The following COLEC12 variants were observed in gnomAD, a reference collection of about 807,000 sequenced individuals.
COLEC12 encodes collectin-12.
A neutral mutation model predicts 71.1 loss-of-function variants in COLEC12; 33 were observed. The ratio of observed to expected loss-of-function variants is 0.46; its 90% CI spans 0.35 to 0.62. The LOEUF (loss-of-function observed/expected upper bound fraction) is 0.62, where lower values mean the gene tolerates loss of function less well. Ranked by LOEUF, COLEC12 falls within the 20% of genes least tolerant of loss-of-function variation. The pLI is 0.00. For missense variants in COLEC12, 765 were observed against 916.1 expected (o/e 0.84, Z 2.13); for synonymous variants, 350 against 353.0 (o/e 0.99, Z 0.10).
intron 1 of COLEC12, among the ~76,000 whole-genome samples, chr18:484,224 T>C (rs939885913): frequency 6.6e-6 from 1 of 152,218 alleles, no homozygotes; most frequent in Non-Finnish European, 1.5e-5. Flanking sequence ...TCCTGAAATT[T>C]CCCTGGGAAC....
rs200608528 is a variant in COLEC12, at chr18:422,620, T to A, written c.58+58087A>T. The stretch of plus-strand genomic sequence containing the variant: ...CCCCAGAGGTAACTACTGTTAATAG[T>A]TTATATTTTTATAGATTATTTTATA... On this transcript the variant is annotated intron_variant, in intron 2 of 9. Coordinates refer to ENST00000400256, the MANE Select transcript of COLEC12 (RefSeq NM_130386.3). Among the ~76,000 whole-genome samples, 9 of 151,932 alleles carry A rather than the reference T, an allele frequency of 5.9e-5. No individual in the cohort carries two copies. In the East Asian group the frequency reaches 1.7e-3, roughly 29 times the overall value.
intron 2 of COLEC12, among the ~76,000 whole-genome samples, chr18:470,527 C>A (rs1025226063): frequency 6.6e-6 from 1 of 151,874 alleles, no homozygotes; most frequent in Non-Finnish European, 1.5e-5. Flanking sequence ...GAGCCACCAC[C>A]CCAGAGGCCA....
intron 3 of COLEC12, among the ~76,000 whole-genome samples, chr18:350,909 G>A (rs12458581): frequency 0.14 from 20,136 of 147,624 alleles, 1,429 homozygotes; most frequent in South Asian, 0.21. Flanking sequence ...GCAGTGAGCC[G>A]AGATCACGCC....
At chr18:486,412 T>C (rs1213486700) in intron 1 of COLEC12, among the ~76,000 whole-genome samples, 1 of 152,222 alleles carries the variant, frequency 6.6e-6, no homozygotes, top group East Asian at 1.9e-4. Context: ...CTCAAACTCC[T>C]GGTCTCGAGT....
intron 3 of COLEC12, among the ~76,000 whole-genome samples, chr18:350,605 CT>C (rs1914492682): frequency 6.6e-6 from 1 of 151,840 alleles, no homozygotes; most frequent in Admixed American, 6.6e-5. Context: ...TCAAGTCTGA[CT>C]GTCCTTCTTA....
At chr18:397,266 A>C (rs1915591440) in intron 2 of COLEC12, among the ~76,000 whole-genome samples, 1 of 152,168 alleles carries the variant, frequency 6.6e-6, no homozygotes, top group African/African-American at 2.4e-5. Flanking sequence ...AACCTTAGTC[A>C]ATGACATTCC....
At chr18:378,503 C>T (rs1567889984) in intron 2 of COLEC12, among the ~76,000 whole-genome samples, 1 of 152,190 alleles carries the variant, frequency 6.6e-6, no homozygotes, top group Non-Finnish European at 1.5e-5. Flanking sequence ...TTTCAGCCAA[C>T]ACAGAGGCCC....
chr18:497,034 T>C (rs529442555), intron 1 of COLEC12, among the ~76,000 whole-genome samples: 1 of 152,320 alleles, frequency 6.6e-6, no homozygotes, highest in African/African-American at 2.4e-5. Flanking sequence ...AAACTTCATG[T>C]TTTAATCAGT....
chr18:435,515 C>T (rs1342361989), intron 2 of COLEC12, among the ~76,000 whole-genome samples: 1 of 152,204 alleles, frequency 6.6e-6, no homozygotes, highest in Non-Finnish European at 1.5e-5. Context: ...CCACCCTTGA[C>T]ATGTGGGGAT....
rs1913600358 is a variant in COLEC12, at chr18:318,256, A to C, written c.*1789T>G. 1 of 151,968 alleles carries C rather than the reference A, an allele frequency of 6.6e-6. No individual in the cohort carries two copies. The highest frequency in any genetic ancestry group is 2.4e-5 in the African/African-American group (1 of 41,366). The allele number at this position is 151,968 out of a possible 1,614,324, so 9.4% of individuals were successfully genotyped here. A position where few individuals can be genotyped will look rare whatever the true frequency, so the allele number is the denominator to read the frequency against. ...CGGCCTCCCAAAGTGCTGGGATTAC[A>C]GGCGTGAGCCACCGCGCCCGGCTGT... is the stretch of plus-strand genomic sequence containing the variant. On this transcript the variant is annotated 3_prime_UTR_variant, in exon 10 of 10. Coordinates refer to ENST00000400256, the MANE Select transcript of COLEC12 (RefSeq NM_130386.3).
At chr18:320,579 A>G (rs1281829775) in intron 9 of COLEC12, among the ~76,000 whole-genome samples, 3 of 152,246 alleles carry the variant, frequency 2.0e-5, no homozygotes, top group Non-Finnish European at 2.9e-5. Context: ...TTTTATATGA[A>G]CAGCTTTATT....
chr18:494,750 G>A (rs1482820011), intron 1 of COLEC12, among the ~76,000 whole-genome samples: 1 of 152,158 alleles, frequency 6.6e-6, no homozygotes, highest in Non-Finnish European at 1.5e-5. Flanking sequence ...ATAAGAAAAT[G>A]ACTGGGGCAA....
At chr18:321,002 A>G (rs541825748) in intron 9 of COLEC12, among the ~76,000 whole-genome samples, 2 of 152,328 alleles carry the variant, frequency 1.3e-5, no homozygotes, top group South Asian at 4.1e-4. Context: ...ACGCTTGGCC[A>G]CCTGGATTAG....
rs151078212 is a variant in COLEC12, at chr18:409,312, G to A, written c.59-51790C>T. Among the ~76,000 whole-genome samples the A allele has an allele frequency of 5.5e-3, 832 of 152,268 alleles. 10 individuals carry two copies. The highest frequency in any genetic ancestry group is 0.019 in the African/African-American group (794 of 41,556). ...TCCAACCACTTCGGGAGGCCGAGGC[G>A]GGCAGATCACCTGAGGTCAGGAGTT... On this transcript the variant is annotated intron_variant, in intron 2 of 9. Coordinates refer to ENST00000400256, the MANE Select transcript of COLEC12 (RefSeq NM_130386.3).
chr18:355,421 G>A (rs879479748), intron 3 of COLEC12, among the ~76,000 whole-genome samples: 1 of 152,090 alleles, frequency 6.6e-6, no homozygotes, highest in Non-Finnish European at 1.5e-5. Flanking sequence ...ACCAGCACAC[G>A]CACAACACGC....
intron 3 of COLEC12, among the ~76,000 whole-genome samples, chr18:356,783 G>A (rs1031543306): frequency 9.2e-5 from 14 of 152,154 alleles, no homozygotes; most frequent in African/African-American, 3.4e-4. Context: ...CAAGTCTGGA[G>A]GATTCAGGCA....
chr18:416,223 T>C lies in COLEC12; in HGVS notation c.59-58701A>G, dbSNP rs1287500851. Among the ~76,000 whole-genome samples the C allele has an allele frequency of 1.3e-5, 2 of 152,142 alleles. 1 individual carries two copies. The highest frequency in any genetic ancestry group is 4.1e-4 in the South Asian group (2 of 4,828). The stretch of plus-strand genomic sequence containing the variant: ...GTTGACACCCCCCCAAAAAAATTCA[T>C]TTTGGGGATTGTTTCATCAAAAAGA... On this transcript the variant is annotated intron_variant, in intron 2 of 9. Coordinates refer to ENST00000400256, the MANE Select transcript of COLEC12 (RefSeq NM_130386.3).
chr18:347,295 G>T lies in COLEC12; in HGVS notation c.327C>A (p.Ser109=). The change falls in exon 5 of 10, where the codon TCC becomes TCA. Residue 109 remains serine, a synonymous_variant. Coordinates refer to ENST00000400256, the MANE Select transcript of COLEC12 (RefSeq NM_130386.3). ...GATCTAGAATGTCTGATCTGAAGGT[G>T]GAGAGTTCTGAGTTGGTGCTGATAG... is the stretch of plus-strand genomic sequence containing the variant. ...KKAISTNSEL[S]TFRSDILDLR... The T allele has an allele frequency of 2.5e-6, 4 of 1,614,146 alleles. No individual in the cohort carries two copies. Among genetic ancestry groups the T allele is most frequent in the Non-Finnish European group, 3.4e-6 (4 of 1,180,006 alleles).
chr18:437,681 C>G (rs1916434004), intron 2 of COLEC12, among the ~76,000 whole-genome samples: 1 of 152,140 alleles, frequency 6.6e-6, no homozygotes, highest in East Asian at 1.9e-4. Flanking sequence ...TTGAGTCAAC[C>G]CGGATGGTGA....
Sources: allele counts gnomAD v4.1 joint callset (sites outside exome capture counted in the v4.1 genomes callset), GRCh38; gene constraint gnomAD v4.1.1; transcripts MANE v1.5; gene names NCBI Gene and HGNC (gene_info 2026-07-23, HGNC 2026-07-21).